Variants in CECR2 observed in about 807,000 individuals in gnomAD.
The protein encoded by CECR2 is CECR2 histone acetyl-lysine reader.
CECR2 carries 30 observed loss-of-function variants against 154.5 expected under a neutral mutation model. That is an observed-to-expected ratio of 0.19 (90% CI 0.15 to 0.26). The LOEUF (loss-of-function observed/expected upper bound fraction) is 0.26, where lower values mean the gene tolerates loss of function less well. CECR2 is among the 10% of genes least tolerant of loss of function. The pLI is 1.00. For missense variants in CECR2, 1,743 were observed against 1,829.3 expected (o/e 0.95, Z 0.86); for synonymous variants, 725 against 683.7 (o/e 1.06, Z -0.94).
At chr22:17,389,361 G>A (rs922855541) in intron 1 of CECR2, among the ~76,000 whole-genome samples, 11 of 152,070 alleles carry the variant, frequency 7.2e-5, no homozygotes, top group East Asian at 5.8e-4. Context: ...CTGCCTGTCC[G>A]GCTAGCTAGC....
chr22:17,555,439 G>T lies in CECR2; in HGVS notation c.*2599G>T, dbSNP rs1250156328. 6.6e-6 allele frequency: 1 copy of T among 152,226 alleles called. No individual in the cohort carries two copies. Among genetic ancestry groups the T allele is most frequent in the East Asian group, 1.9e-4 (1 of 5,184 alleles). The allele number at this position is 152,226 out of a possible 1,614,324, so 9.4% of individuals were successfully genotyped here. On this transcript the variant is annotated 3_prime_UTR_variant, in exon 19 of 19. Transcript: ENST00000262608. ...TAGTGCTTCGTCCATTGTCCAGGGAGTGTCCTGAGCTTTCACTGGTCTTTG... is the reference window on the plus strand; with the variant it reads ...TAGTGCTTCGTCCATTGTCCAGGGATTGTCCTGAGCTTTCACTGGTCTTTG...
chr22:17,400,906 G>A lies in CECR2; in HGVS notation c.126+30997G>A, dbSNP rs548305486. Among the ~76,000 whole-genome samples the A allele has an allele frequency of 7.2e-5, 11 of 152,010 alleles. No individual in the cohort carries two copies. In the South Asian group the frequency reaches 8.3e-4, roughly 12 times the overall value. ...GCTGGGACTACAGGCGCATGCCACC[G>A]TGGCTGGCTAATTTTTTGACTTTTG... On this transcript the variant is annotated intron_variant, in intron 1 of 18. Coordinates refer to ENST00000262608, the MANE Select transcript of CECR2 (RefSeq NM_001290047.2).
intron 1 of CECR2, among the ~76,000 whole-genome samples, chr22:17,361,631 C>T (rs979520560): frequency 6.6e-6 from 1 of 151,478 alleles, no homozygotes; most frequent in Non-Finnish European, 1.5e-5. Context: ...TCTAGCTACT[C>T]GGGAGGCTGA....
At chr22:17,535,985 A>C (rs1248260243) in intron 9 of CECR2, among the ~76,000 whole-genome samples, 1 of 152,072 alleles carries the variant, frequency 6.6e-6, no homozygotes, top group Non-Finnish European at 1.5e-5. Context: ...ACCATGGCTC[A>C]CTCCTGTAAT....
chr22:17,501,745 C>T (rs1016968083), intron 5 of CECR2, among the ~76,000 whole-genome samples: 2 of 152,122 alleles, frequency 1.3e-5, no homozygotes, highest in African/African-American at 4.8e-5. Flanking sequence ...TAGGATTTCA[C>T]ACGTCCTTCG....
At chr22:17,452,150 G>A (rs2054780956) in intron 1 of CECR2, among the ~76,000 whole-genome samples, 1 of 152,210 alleles carries the variant, frequency 6.6e-6, no homozygotes, top group Admixed American at 6.5e-5. Flanking sequence ...TCTGCTCACT[G>A]CAACCTCCAC....
intron 2 of CECR2, among the ~76,000 whole-genome samples, chr22:17,481,764 A>T (rs900350713): frequency 1.3e-5 from 2 of 152,120 alleles, no homozygotes; most frequent in African/African-American, 4.8e-5. Context: ...TGCATTACTC[A>T]TGTGGTTATG....
chr22:17,496,417 A>T (rs1034233853), intron 2 of CECR2, among the ~76,000 whole-genome samples: 1 of 151,558 alleles, frequency 6.6e-6, no homozygotes, highest in African/African-American at 2.4e-5. Context: ...GGAGAATGGC[A>T]TGAACCCGGG....
chr22:17,494,705 T>G (rs902036815), intron 2 of CECR2, among the ~76,000 whole-genome samples: 1 of 151,406 alleles, frequency 6.6e-6, no homozygotes, highest in Admixed American at 6.6e-5. Flanking sequence ...TGTTTTTTTG[T>G]TTTTTTTGAG....
intron 1 of CECR2, among the ~76,000 whole-genome samples, chr22:17,434,334 C>T (rs1462179443): frequency 2.0e-5 from 3 of 152,182 alleles, no homozygotes; most frequent in African/African-American, 7.2e-5. Context: ...TTCTAGGCAG[C>T]TGTAGTGGAA....
intron 1 of CECR2, among the ~76,000 whole-genome samples, chr22:17,439,338 T>G (rs759603544): frequency 1.3e-4 from 20 of 152,276 alleles, no homozygotes; most frequent in South Asian, 1.2e-3. Context: ...TAAAGCTTTA[T>G]TTATACTAAT....
chr22:17,372,455 CAGGAG>C (rs1317791356), intron 1 of CECR2, among the ~76,000 whole-genome samples: 6 of 152,114 alleles, frequency 3.9e-5, no homozygotes, highest in African/African-American at 9.7e-5. Context: ...CACCTGAAGT[CAGGAG>C]TTCGAGACGA....
intron 1 of CECR2, among the ~76,000 whole-genome samples, chr22:17,388,925 G>C (rs1448965114): frequency 6.6e-6 from 1 of 151,976 alleles, no homozygotes; most frequent in Non-Finnish European, 1.5e-5. Context: ...CAGTTCTCCT[G>C]CTTCAGCCTC....
intron 1 of CECR2, among the ~76,000 whole-genome samples, chr22:17,456,957 A>G (rs1029628790): frequency 6.6e-6 from 1 of 152,226 alleles, no homozygotes; most frequent in Non-Finnish European, 1.5e-5. Flanking sequence ...GTACATGTTT[A>G]TGTCTCTAAT....
At position 17,553,412 on chromosome 22, in the gene CECR2, G is replaced by A. The variant is rs534514602; in HGVS notation, c.*572G>A. ...TCCTAACTGGTGGGCACACAGCACT[G>A]GAGTGATTTTTATCTGTTTACAATC... On this transcript the variant is annotated 3_prime_UTR_variant, in exon 19 of 19. Transcript: ENST00000262608. 1 of 152,686 alleles carries A rather than the reference G, an allele frequency of 6.5e-6. No homozygotes were observed. The highest frequency in any genetic ancestry group is 1.9e-4 in the East Asian group (1 of 5,186). The allele number at this position is 152,686 out of a possible 1,614,324, so 9.5% of individuals were successfully genotyped here. A position where few individuals can be genotyped will look rare whatever the true frequency, so the allele number is the denominator to read the frequency against.
At chr22:17,531,235 CACAG>C (rs1181029673) in intron 9 of CECR2, among the ~76,000 whole-genome samples, 1 of 152,078 alleles carries the variant, frequency 6.6e-6, no homozygotes, top group Middle Eastern at 3.2e-3. Context: ...CCCGTGGTGA[CACAG>C]ACGGAGGAAT....
chr22:17,406,537 CT>C (rs982001780), intron 1 of CECR2, among the ~76,000 whole-genome samples: 1 of 152,056 alleles, frequency 6.6e-6, no homozygotes, highest in African/African-American at 2.4e-5. Context: ...CCCCCCACCC[CT>C]CCCTCCAAAA....
Position 17,549,794 on chromosome 22 carries a change from T to TG in CECR2, c.4277+230_4277+231insG, listed in dbSNP as rs1555935237. Among the ~76,000 whole-genome samples, 14 of 147,628 alleles carry TG rather than the reference T, an allele frequency of 9.5e-5. No homozygotes were observed. In the South Asian group the frequency reaches 2.2e-3, roughly 23 times the overall value. On this transcript the variant is annotated intron_variant, in intron 17 of 18. Coordinates refer to ENST00000262608, the MANE Select transcript of CECR2 (RefSeq NM_001290047.2). Reference sequence around the variant, plus strand: ...CCAGCTAACTTTTTGGTTTTTTTTTTTTTTTTTTTTTGGTGGAGGTAGGGT... The same window carrying TG: ...CCAGCTAACTTTTTGGTTTTTTTTTTGTTTTTTTTTTTGGTGGAGGTAGGGT...
intron 8 of CECR2, among the ~76,000 whole-genome samples, chr22:17,513,577 G>C (rs150479587): frequency 1.3e-5 from 2 of 152,264 alleles, no homozygotes; most frequent in East Asian, 3.9e-4. Context: ...TGTCTTGCCC[G>C]ATGTTTAATT....
Sources: gnomAD v4.1 joint callset for allele counts (sites outside exome capture counted in the v4.1 genomes callset) on GRCh38, gnomAD v4.1.1 for gene constraint, MANE v1.5 for transcripts, NCBI Gene and HGNC (gene_info 2026-07-23, HGNC 2026-07-21) for gene names.